Variants in LRP2 observed in about 807,000 individuals in gnomAD.
LRP2 encodes LDL receptor related protein 2, also known as low-density lipoprotein receptor-related protein 2.
In LRP2, 172 loss-of-function variants were observed where a neutral mutation model predicts 531.0. The ratio of observed to expected loss-of-function variants is 0.32; its 90% CI spans 0.29 to 0.37. The LOEUF is 0.37. LRP2 is among the 10% of genes least tolerant of loss of function. LRP2 has a pLI of 1.00. For synonymous variants in LRP2, 1,992 were observed against 2,027.6 expected, an observed-to-expected ratio of 0.98 and a Z score of 0.47; for missense variants, 5,167 against 5,868.3, an observed-to-expected ratio of 0.88 and a Z score of 3.90.
chr2:169,170,734 C>A, intron 58 of LRP2, 67 bp from the exon 59 acceptor site: 1 of 1,130,784 alleles, frequency 8.8e-7, no homozygotes, highest in Non-Finnish European at 1.4e-6. Flanking sequence ...ATCTTGTGAG[C>A]TGACCATAGT....
chr2:169,166,203 T>A lies in LRP2; in HGVS notation c.11636-149A>T, dbSNP rs1558990113. 4 of 761,692 alleles carry A rather than the reference T, an allele frequency of 5.3e-6. No individual in the cohort carries two copies. In the East Asian group the frequency reaches 1.1e-4, roughly 21 times the overall value. 47.2% of individuals were successfully genotyped at this position (761,692 alleles called of 1,614,324 possible). On this transcript the variant is annotated intron_variant, in intron 61 of 78. Coordinates refer to ENST00000649046, the MANE Select transcript of LRP2 (RefSeq NM_004525.3). ...AATCAATCAGCAGATACACCTTACA[T>A]GTATAGTACACACCAAGGCACTGTG...
intron 49 of LRP2, among the ~76,000 whole-genome samples, chr2:169,187,726 G>A (rs1259669411): frequency 6.6e-6 from 1 of 152,192 alleles, no homozygotes; most frequent in African/African-American, 2.4e-5. Flanking sequence ...TTAAATGATG[G>A]CCTGAATATT....
intron 3 of LRP2, among the ~76,000 whole-genome samples, chr2:169,312,578 A>T (rs1402386990): frequency 1.3e-5 from 2 of 152,172 alleles, no homozygotes; most frequent in East Asian, 3.8e-4. Context: ...ATCAGCTGTT[A>T]GTCTGATGGG....
At chr2:169,142,913 G>A (rs77168531) in intron 70 of LRP2, 120 bp from the exon 71 acceptor site, 11,854 of 1,055,800 alleles carry the variant, frequency 0.011, 82 homozygotes, top group Non-Finnish European at 0.015. Flanking sequence ...AATACCTCTC[G>A]TCCACGTGTC....
Position 169,196,879 on chromosome 2 carries a change from G to A in LRP2, c.8698+32C>T, listed in dbSNP as rs775415279. ...GAGACTGAAGTTGTCTAGCTGCATCGTGATGTTTTTCATGCTTGCTTACTC... is the reference window on the plus strand; with the variant it reads ...GAGACTGAAGTTGTCTAGCTGCATCATGATGTTTTTCATGCTTGCTTACTC... On this transcript the variant is annotated intron_variant, in intron 46 of 78. Transcript: ENST00000649046. 38 of 1,613,448 alleles carry A rather than the reference G, an allele frequency of 2.4e-5. No homozygotes were observed. In the South Asian group the frequency reaches 2.7e-4, roughly 12 times the overall value.
At chr2:169,348,669 C>T (rs1685761063) in intron 1 of LRP2, among the ~76,000 whole-genome samples, 1 of 152,114 alleles carries the variant, frequency 6.6e-6, no homozygotes, top group South Asian at 2.1e-4. Context: ...CAAATCTGTC[C>T]TAAAAATAGC....
chr2:169,340,185 A>G (rs1685526840), intron 1 of LRP2, among the ~76,000 whole-genome samples: 1 of 152,032 alleles, frequency 6.6e-6, no homozygotes, highest in Admixed American at 6.5e-5. Context: ...AAACATCTCC[A>G]GTTTTTCCAT....
intron 1 of LRP2, among the ~76,000 whole-genome samples, chr2:169,350,111 T>C (rs1685807225): frequency 1.3e-5 from 2 of 152,184 alleles, no homozygotes; most frequent in Admixed American, 6.5e-5. Context: ...ATCAAAACAA[T>C]GGGATTTTCT....
chr2:169,247,368 T>A lies in LRP2; in HGVS notation c.2908+10A>T, dbSNP rs759074601. 4 of 1,613,930 alleles carry A rather than the reference T, an allele frequency of 2.5e-6. No homozygotes were observed. The Admixed American group carries it at 5.0e-5, about 20-fold the overall frequency. Reference sequence around the variant, plus strand: ...CAAAAAAATAAAAAAAACTGGGCAATCTCACTCACCAGTCTGGATGTTGAC... The same window carrying A: ...CAAAAAAATAAAAAAAACTGGGCAAACTCACTCACCAGTCTGGATGTTGAC... On this transcript the variant is annotated intron_variant, in intron 20 of 78. Transcript: ENST00000649046.
At chr2:169,302,595 T>C (rs1055520951) in intron 4 of LRP2, among the ~76,000 whole-genome samples, 1 of 152,252 alleles carries the variant, frequency 6.6e-6, no homozygotes, top group Middle Eastern at 3.4e-3. Flanking sequence ...CGGTCCCAAA[T>C]GTCATTAGTG....
Position 169,154,468 on chromosome 2 carries a change from A to G in LRP2, c.12287T>C (p.Ile4096Thr), listed in dbSNP as rs137922929. The G allele has an allele frequency of 2.3e-4, 366 of 1,612,318 alleles. 1 individual carries two copies. In the African/African-American group the frequency reaches 4.3e-3, roughly 19 times the overall value. Reference sequence around the variant, plus strand: ...CCAAAGTTTATACTCACTGAGGCCTATGTCCTTGGGATCCCAATCATAATC... The same window carrying G: ...CCAAAGTTTATACTCACTGAGGCCTGTGTCCTTGGGATCCCAATCATAATC... Reference protein sequence around the residue: ...AVDYDWDPKDIGLSVVYYTVR... With the variant: ...AVDYDWDPKDTGLSVVYYTVR... The change falls in exon 66 of 79, where the codon ATA (isoleucine) becomes ACA (threonine). Residue 4096 changes from isoleucine (I) to threonine (T), a missense_variant. Physicochemically the swap from Ile to Thr is moderately conservative, Grantham distance 89 (BLOSUM62 -1). This residue lies in a region of LRP2 where 564 missense variants were observed against 747.7 expected (regional missense o/e 0.75). Coordinates refer to ENST00000649046, the MANE Select transcript of LRP2 (RefSeq NM_004525.3).
At chr2:169,316,355 C>A (rs1684763309) in intron 3 of LRP2, among the ~76,000 whole-genome samples, 1 of 152,098 alleles carries the variant, frequency 6.6e-6, no homozygotes, top group African/African-American at 2.4e-5. Context: ...TTGATTATAT[C>A]TTTCCTGTCA....
chr2:169,350,741 A>AG (rs1685825533), intron 1 of LRP2, among the ~76,000 whole-genome samples: 2 of 151,400 alleles, frequency 1.3e-5, no homozygotes, highest in South Asian at 4.2e-4. Flanking sequence ...AAAAAAAAAA[A>AG]AAAAAGTGGG....
At position 169,231,632 on chromosome 2, in the gene LRP2, C is replaced by T. The variant is rs1689408026; in HGVS notation, c.5227+82G>A. On this transcript the variant is annotated intron_variant, in intron 31 of 78. Coordinates refer to ENST00000649046, the MANE Select transcript of LRP2 (RefSeq NM_004525.3). ...AAAGGACACAGCACATGTTCAGTCGCAATTGGTTTTAGAGTTTCCACTGCT... is the reference window on the plus strand; with the variant it reads ...AAAGGACACAGCACATGTTCAGTCGTAATTGGTTTTAGAGTTTCCACTGCT... 7 of 1,557,610 alleles carry T rather than the reference C, an allele frequency of 4.5e-6. No individual in the cohort carries two copies. The Admixed American group carries it at 1.2e-4, about 26-fold the overall frequency.
Position 169,154,579 on chromosome 2 carries a change from G to A in LRP2, c.12176C>T (p.Pro4059Leu). 1 of 1,613,572 alleles carries A rather than the reference G, an allele frequency of 6.2e-7. No homozygotes were observed. Among genetic ancestry groups the A allele is most frequent in the Non-Finnish European group, 8.5e-7 (1 of 1,179,614 alleles). Residue 4059 changes from proline to leucine, a missense_variant, in exon 66 of 79, where the codon CCT becomes CTT. By Grantham distance (98) the Pro-to-Leu change is moderately conservative. Around this residue, in one of 6 missense-constraint regions of LRP2, gnomAD observed 564 missense variants for 747.7 expected, o/e 0.75. Transcript: ENST00000649046. ...AEGSSPLLLL[P>L]DNVRIRKYNL... ...ATATTTTCGAATTCGGACATTGTCAGGCAGTAGCAACAAAGGAGAGCTACC... is the reference window on the plus strand; with the variant it reads ...ATATTTTCGAATTCGGACATTGTCAAGCAGTAGCAACAAAGGAGAGCTACC...
At chr2:169,262,925 C>T (rs965062082) in intron 16 of LRP2, among the ~76,000 whole-genome samples, 7 of 152,044 alleles carry the variant, frequency 4.6e-5, no homozygotes, top group Non-Finnish European at 1.0e-4. Context: ...AGAACAGAGC[C>T]CTCAGAAATA....
chr2:169,218,241 CT>C (rs1230354947), intron 34 of LRP2, among the ~76,000 whole-genome samples: 3 of 152,142 alleles, frequency 2.0e-5, no homozygotes, highest in African/African-American at 7.2e-5. Context: ...AACTGGGTTG[CT>C]CTTAGTCACT....
At chr2:169,349,112 C>T (rs1448982844) in intron 1 of LRP2, among the ~76,000 whole-genome samples, 3 of 152,046 alleles carry the variant, frequency 2.0e-5, no homozygotes, top group Admixed American at 1.3e-4. Context: ...TGCCCTTGTG[C>T]CATTTACATC....
chr2:169,170,587 T>C lies in LRP2; in HGVS notation c.11344A>G (p.Asn3782Asp). ...IPSRWICDHY[N>D]DCGDNSDERD... ...TCATCTGAGTTGTCCCCACAGTCGTTGTAATGGTCACAGATCCATCGCGAG... is the reference window on the plus strand; with the variant it reads ...TCATCTGAGTTGTCCCCACAGTCGTCGTAATGGTCACAGATCCATCGCGAG... Residue 3782 changes from asparagine (N) to aspartate (D), a missense_variant, in exon 59 of 79, where the codon AAC becomes GAC. Asn to Asp is a conservative substitution (Grantham distance 23, BLOSUM62 1). Transcript: ENST00000649046. 6.2e-7 allele frequency: 1 copy of C among 1,613,838 alleles called. No individual in the cohort carries two copies. The highest frequency in any genetic ancestry group is 8.5e-7 in the Non-Finnish European group (1 of 1,179,814).
Sources: allele counts gnomAD v4.1 joint callset (sites outside exome capture counted in the v4.1 genomes callset), GRCh38; gene constraint gnomAD v4.1.1; regional missense constraint gnomAD v4.1.1; transcripts MANE v1.5; gene names NCBI Gene and HGNC (gene_info 2026-07-23, HGNC 2026-07-21).